Variants in GAREM1 observed in about 807,000 individuals in gnomAD.
GAREM1 encodes GRB2-associated and regulator of MAPK protein 1.
In GAREM1, 26 loss-of-function variants were observed where a neutral mutation model predicts 71.3. The ratio of observed to expected loss-of-function variants is 0.36; its 90% confidence interval spans 0.27 to 0.51. The LOEUF is 0.51. Ranked by LOEUF, GAREM1 falls within the 20% of genes least tolerant of loss-of-function variation. The probability of loss-of-function intolerance (pLI) is 0.95; values close to 1 mark genes in which losing one functional copy is unlikely to be tolerated. For missense variants in GAREM1, 1,026 were observed against 1,103.1 expected (o/e 0.93, Z 0.99); for synonymous variants, 440 against 433.2 (o/e 1.02, Z -0.20).
At position 32,263,976 on chromosome 18, in the gene GAREM1, T is replaced by C. The variant is rs909543756; in HGVS notation, c.*3895A>G. 6.6e-6 allele frequency: 1 copy of C among 152,224 alleles called. No homozygotes were observed. Among genetic ancestry groups the C allele is most frequent in the Non-Finnish European group, 1.5e-5 (1 of 68,018 alleles). The allele number at this position is 152,224 out of a possible 1,614,324, so 9.4% of individuals were successfully genotyped here. On this transcript the variant is annotated 3_prime_UTR_variant, in exon 6 of 6. Coordinates refer to ENST00000269209, the MANE Select transcript of GAREM1 (RefSeq NM_001242409.2). ...AGCAAAATTACAGAAGATATTTGTA[T>C]ATAGTTTAAACTGAAATCACGTTTA...
At chr18:32,390,945 A>G (rs552437423) in intron 2 of GAREM1, among the ~76,000 whole-genome samples, 1 of 152,202 alleles carries the variant, frequency 6.6e-6, no homozygotes, top group Non-Finnish European at 1.5e-5. Context: ...GAGATCCCTA[A>G]GTCAAACACC....
At chr18:32,454,804 G>A (rs1219474491) in intron 1 of GAREM1, among the ~76,000 whole-genome samples, 3 of 152,144 alleles carry the variant, frequency 2.0e-5, no homozygotes, top group Non-Finnish European at 4.4e-5. Flanking sequence ...GTGTGTATTA[G>A]TCGGGGAAGC....
At position 32,270,241 on chromosome 18, in the gene GAREM1, T is replaced by C. The variant is rs2041438071; in HGVS notation, c.1709A>G (p.Tyr570Cys). The change falls in exon 5 of 6, where the codon TAC becomes TGC. Residue 570 changes from tyrosine to cysteine, a missense_variant. By Grantham distance (194) the Tyr-to-Cys change is radical. Coordinates refer to ENST00000269209, the MANE Select transcript of GAREM1 (RefSeq NM_001242409.2). ...CATGTTGTGTAGCCCTGAAGAATAG[T>C]AGGACAAGGTGGGGCTGGGAGAGCG... The part of the protein sequence containing the change: ...QTRSPSPTLS[Y>C]YSSGLHNISV... 6.2e-7 allele frequency: 1 copy of C among 1,613,870 alleles called. No homozygotes were observed. The highest frequency in any genetic ancestry group is 8.5e-7 in the Non-Finnish European group (1 of 1,179,954).
intron 2 of GAREM1, among the ~76,000 whole-genome samples, chr18:32,340,184 G>C (rs2047634655): frequency 1.3e-5 from 2 of 152,306 alleles, no homozygotes; most frequent in South Asian, 4.1e-4. Context: ...TAGGCAAACT[G>C]CTGTGCTAGG....
intron 3 of GAREM1, among the ~76,000 whole-genome samples, chr18:32,303,118 A>G (rs1228571553): frequency 3.3e-5 from 5 of 152,242 alleles, no homozygotes; most frequent in African/African-American, 7.2e-5. Flanking sequence ...AATGAAGCCA[A>G]TGTAAACTTG....
intron 2 of GAREM1, among the ~76,000 whole-genome samples, chr18:32,376,105 T>C (rs2048028267): frequency 6.6e-6 from 1 of 152,232 alleles, no homozygotes; most frequent in African/African-American, 2.4e-5. Flanking sequence ...AGAGGAAACC[T>C]ATTGATAAAA....
At chr18:32,390,937 G>C (rs2048189750) in intron 2 of GAREM1, among the ~76,000 whole-genome samples, 1 of 152,178 alleles carries the variant, frequency 6.6e-6, no homozygotes, top group African/African-American at 2.4e-5. Context: ...CCAAGTTTGA[G>C]ATCCCTAAGT....
intron 1 of GAREM1, among the ~76,000 whole-genome samples, chr18:32,437,932 G>A (rs945935051): frequency 6.6e-6 from 1 of 152,080 alleles, no homozygotes; most frequent in East Asian, 1.9e-4. Flanking sequence ...CTCTCATGAT[G>A]TTCCATCTAA....
chr18:32,327,508 G>A (rs763519543), intron 2 of GAREM1, among the ~76,000 whole-genome samples: 6 of 152,112 alleles, frequency 3.9e-5, no homozygotes, highest in Non-Finnish European at 5.9e-5. Context: ...TGAAGAAAGC[G>A]GGGATGATGA....
intron 2 of GAREM1, among the ~76,000 whole-genome samples, chr18:32,356,592 T>C (rs377280964): frequency 1.8e-4 from 28 of 152,194 alleles, no homozygotes; most frequent in East Asian, 9.6e-4. Flanking sequence ...CTATCATATA[T>C]TGAAAACTTA....
chr18:32,325,920 A>G (rs2047470955), intron 2 of GAREM1, among the ~76,000 whole-genome samples: 1 of 152,206 alleles, frequency 6.6e-6, no homozygotes, highest in African/African-American at 2.4e-5. Context: ...CAAGGACTCA[A>G]TGAGCATGTA....
At chr18:32,393,062 A>G (rs1376237568) in intron 1 of GAREM1, 27 bp from the exon 2 acceptor site, 4 of 1,598,676 alleles carry the variant, frequency 2.5e-6, no homozygotes, top group Non-Finnish European at 3.4e-6. Flanking sequence ...TATATGAGAA[A>G]CTTAGAATTC....
At position 32,303,916 on chromosome 18, in the gene GAREM1, T is replaced by TA. The variant is rs200471885; in HGVS notation, c.393+6276dup. On this transcript the variant is annotated intron_variant, in intron 3 of 5. Coordinates refer to ENST00000269209, the MANE Select transcript of GAREM1 (RefSeq NM_001242409.2). ...AGCCTGGGTGACAAAGCATGTTTCT[T>TA]AAAAAAAAAGAAAGAGGGAGAGAGA... is the stretch of plus-strand genomic sequence containing the variant. Among the ~76,000 whole-genome samples, 341 of 95,852 alleles carry TA rather than the reference T, an allele frequency of 3.6e-3. 1 individual carries two copies. Among genetic ancestry groups the TA allele is most frequent in the African/African-American group, 0.012 (300 of 24,890 alleles). The allele number at this position is 95,852 out of a possible 152,430, so 62.9% of individuals were successfully genotyped here.
chr18:32,444,612 T>C (rs961730104), intron 1 of GAREM1, among the ~76,000 whole-genome samples: 2 of 152,054 alleles, frequency 1.3e-5, no homozygotes, highest in African/African-American at 4.8e-5. Context: ...CTCAAGAGGG[T>C]TAATACTTCC....
Position 32,460,120 on chromosome 18 carries a change from A to T in GAREM1, c.121+10188T>A, listed in dbSNP as rs1389541110. ...GAGAAAACTGTCATCTTATTTAAAA[A>T]AAAAAAAAAAAAAAAGTCTGACCAA... On this transcript the variant is annotated intron_variant, in intron 1 of 5. Transcript: ENST00000269209. Among the ~76,000 whole-genome samples the T allele has an allele frequency of 2.0e-5, 3 of 151,238 alleles. No individual in the cohort carries two copies. The South Asian group carries it at 6.2e-4, about 31-fold the overall frequency.
rs1310052782 is a variant in GAREM1, at chr18:32,288,073, T to A, written c.524A>T (p.Asn175Ile). 1 of 1,614,046 alleles carries A rather than the reference T, an allele frequency of 6.2e-7. No individual in the cohort carries two copies. The highest frequency in any genetic ancestry group is 8.5e-7 in the Non-Finnish European group (1 of 1,180,042). Residue 175 changes from asparagine (N) to isoleucine (I), a missense_variant, in exon 4 of 6, where the codon AAC becomes ATC. By Grantham distance (149) the Asn-to-Ile change is moderately radical. This residue lies in a region of GAREM1 where 218 missense variants were observed against 296.8 expected (regional missense o/e 0.73). Coordinates refer to ENST00000269209, the MANE Select transcript of GAREM1 (RefSeq NM_001242409.2). ...CTTCCCAATCTTTTTGAAGATTGTG[T>A]TGAGTCGTGACTTTTCCTTGAATGT... ...AKTFKEKSRLNTIFKKIGKLN... is the reference protein window; with the variant it reads ...AKTFKEKSRLITIFKKIGKLN...
intron 2 of GAREM1, among the ~76,000 whole-genome samples, chr18:32,368,864 C>T (rs748482776): frequency 1.3e-5 from 2 of 151,884 alleles, no homozygotes; most frequent in Non-Finnish European, 2.9e-5. Flanking sequence ...AAAATTAAAC[C>T]AACAAAAGGT....
At position 32,408,848 on chromosome 18, in the gene GAREM1, T is replaced by C. The variant is rs116822694; in HGVS notation, c.122-15813A>G. On this transcript the variant is annotated intron_variant, in intron 1 of 5. Coordinates refer to ENST00000269209, the MANE Select transcript of GAREM1 (RefSeq NM_001242409.2). ...TTTTTCCTTTGTATCCCTCAAAATA[T>C]TTTTGTTCCTGGAAAACATTCTGAT... 4.0e-3 allele frequency among the ~76,000 whole-genome samples: 616 copies of C among 152,296 alleles called. 8 individuals are homozygous for C. The highest frequency in any genetic ancestry group is 0.014 in the African/African-American group (591 of 41,562).
At chr18:32,352,673 T>C (rs1598982764) in intron 2 of GAREM1, among the ~76,000 whole-genome samples, 1 of 152,340 alleles carries the variant, frequency 6.6e-6, no homozygotes, top group East Asian at 1.9e-4. Flanking sequence ...ATTTACCTTT[T>C]CTTTCCTCAG....
Sources: allele counts gnomAD v4.1 joint callset (sites outside exome capture counted in the v4.1 genomes callset), GRCh38; gene constraint gnomAD v4.1.1; regional missense constraint gnomAD v4.1.1; transcripts MANE v1.5; gene names NCBI Gene and HGNC (gene_info 2026-07-23, HGNC 2026-07-21).